F8: variants seen among roughly 807,000 people sequenced by gnomAD.
The protein encoded by F8 is coagulation factor VIII.
In F8, 12 loss-of-function variants were observed where a neutral mutation model predicts 140.6. The ratio of observed to expected loss-of-function variants is 0.09; its 90% CI spans 0.05 to 0.14. The LOEUF is 0.14. Among genes scored for constraint, F8 ranks in the 10% least tolerant of loss-of-function variants. F8 has a pLI of 1.00. For missense variants in F8, 1,354 were observed against 1,720.7 expected (o/e 0.79, Z 3.77); for synonymous variants, 585 against 614.6 (o/e 0.95, Z 0.71).
intron 1 of F8, among the ~76,000 whole-genome samples, chrX:155,019,602 T>C (rs1156312852): frequency 9.0e-6 from 1 of 110,874 alleles, no homozygotes; most frequent in Non-Finnish European, 1.9e-5. Context: ...AAAACCAGCC[T>C]GGGTAACATG....
chrX:154,847,581 A>G (rs782459316), intron 25 of F8, among the ~76,000 whole-genome samples: 1 of 112,505 alleles, frequency 8.9e-6, no homozygotes, highest in South Asian at 3.7e-4. Context: ...CGCATCGGCT[A>G]CTAAAGCTTA....
At chrX:154,960,708 G>A (rs1248822451) in intron 10 of F8, among the ~76,000 whole-genome samples, 3 of 110,392 alleles carry the variant, frequency 2.7e-5, no homozygotes, top group African/African-American at 9.9e-5. Flanking sequence ...GATACCAAAA[G>A]TGTGGAATGT....
chrX:155,006,052 CAAT>C (rs2073675203), intron 1 of F8, among the ~76,000 whole-genome samples: 1 of 112,239 alleles, frequency 8.9e-6, no homozygotes, highest in South Asian at 3.6e-4. Context: ...AAAAAGCAGA[CAAT>C]AATTTTTATT....
chrX:154,958,249 T>C (rs782575184), intron 10 of F8, among the ~76,000 whole-genome samples: 1 of 112,038 alleles, frequency 8.9e-6, no homozygotes, highest in Non-Finnish European at 1.9e-5. Flanking sequence ...TCCAGTGATA[T>C]ATCCAAGACT....
chrX:154,990,574 T>G (rs187803280), intron 4 of F8, among the ~76,000 whole-genome samples: 1 of 112,322 alleles, frequency 8.9e-6, no homozygotes, highest in Non-Finnish European at 1.9e-5. Context: ...ATCAGACATG[T>G]TTTAAGGAAT....
chrX:154,871,375 G>A (rs1270349170), intron 22 of F8, among the ~76,000 whole-genome samples: 1 of 111,873 alleles, frequency 8.9e-6, no homozygotes, highest in Non-Finnish European at 1.9e-5. Flanking sequence ...CAGAATGGAG[G>A]CCTCAGAAAT....
chrX:154,972,671 C>A (rs1176780770), intron 6 of F8, among the ~76,000 whole-genome samples: 2 of 103,785 alleles, frequency 1.9e-5, no homozygotes, highest in African/African-American at 7.0e-5. Flanking sequence ...AATTTAATTC[C>A]TTAATCTATT....
At chrX:154,920,968 T>C (rs1250585746) in intron 14 of F8, among the ~76,000 whole-genome samples, 1 of 112,148 alleles carries the variant, frequency 8.9e-6, no homozygotes. Context: ...TCATATGTTT[T>C]CATATTACTA....
At chrX:154,910,757 G>C (rs2073062729) in intron 14 of F8, among the ~76,000 whole-genome samples, 1 of 110,595 alleles carries the variant, frequency 9.0e-6, no homozygotes, top group Admixed American at 9.5e-5. Flanking sequence ...ACCCGTAAAG[G>C]GTCTGTGCTG....
intron 25 of F8, among the ~76,000 whole-genome samples, chrX:154,841,799 C>G (rs965309271): frequency 5.4e-5 from 6 of 111,304 alleles, no homozygotes; most frequent in Non-Finnish European, 1.1e-4. Context: ...TAGCATAAAT[C>G]CAATTTGGAT....
chrX:154,986,230 C>T (rs946407383), intron 5 of F8, among the ~76,000 whole-genome samples: 2 of 112,476 alleles, frequency 1.8e-5, no homozygotes, highest in Non-Finnish European at 3.8e-5. Context: ...CACAACAAGG[C>T]TGGAAATGTC....
rs184231839 is a variant in F8 at position 154,870,477 on chromosome X, C to A, written c.6430-7250G>T. Among the ~76,000 whole-genome samples the A allele has an allele frequency of 6.7e-4, 75 of 111,554 alleles. No individual in the cohort carries two copies. In the East Asian group the frequency reaches 0.011, roughly 16 times the overall value. ...ATTATCTCAATAGATGCAGAAAAGG[C>A]CTTCGATAAAATTCAACACCCCTTC... On this transcript the variant is annotated intron_variant, in intron 22 of 25. Coordinates refer to ENST00000360256, the MANE Select transcript of F8 (RefSeq NM_000132.4).
intron 23 of F8, among the ~76,000 whole-genome samples, chrX:154,862,848 T>A (rs1017478901): frequency 2.7e-5 from 3 of 112,301 alleles, no homozygotes; most frequent in Admixed American, 9.4e-5. Context: ...AATGAACATA[T>A]GCGTGCATGT....
chrX:154,972,707 CTTTTTTTT>C (rs1184930129), intron 6 of F8, among the ~76,000 whole-genome samples: 232 of 55,268 alleles, frequency 4.2e-3, no homozygotes, highest in South Asian at 7.5e-3. Context: ...TTCTGTCTTT[CTTTTTTTT>C]TTTTTTTTTT....
At chrX:154,870,495 AC>A (rs1372046096) in intron 22 of F8, among the ~76,000 whole-genome samples, 3 of 111,683 alleles carry the variant, frequency 2.7e-5, no homozygotes, top group Non-Finnish European at 5.6e-5. Flanking sequence ...AAAATTCAAC[AC>A]CCCTTCATGC....
rs782692973 is a variant in F8, at chrX:154,931,010, C to T, written c.2780G>A (p.Ser927Asn). The T allele has an allele frequency of 3.4e-6, 4 of 1,191,284 alleles. No individual in the cohort carries two copies. Among genetic ancestry groups the T allele is most frequent in the Non-Finnish European group, 4.5e-6 (4 of 886,544 alleles). Residue 927 changes from serine to asparagine, a missense_variant, in exon 14 of 26, where the codon AGT becomes AAT. Coordinates refer to ENST00000360256, the MANE Select transcript of F8 (RefSeq NM_000132.4). ...TTGACTATCATAATGAACTGGCATA[C>T]TTGGGGGTCCTAAGGAACTTGTATT... ...TDNTSSLGPP[S>N]MPVHYDSQLD...
intron 10 of F8, among the ~76,000 whole-genome samples, chrX:154,960,427 TAGAA>T (rs1557281513): frequency 9.0e-6 from 1 of 111,344 alleles, no homozygotes; most frequent in Non-Finnish European, 1.9e-5. Context: ...AATTAAATAA[TAGAA>T]AGAATATACA....
chrX:155,007,818 C>T (rs1220766148), intron 1 of F8, among the ~76,000 whole-genome samples: 4 of 111,143 alleles, frequency 3.6e-5, no homozygotes, highest in African/African-American at 1.3e-4. Context: ...TTATCTTCCA[C>T]GAAACCAGTC....
chrX:154,865,134 G>A (rs2072722074), intron 22 of F8, among the ~76,000 whole-genome samples: 1 of 111,502 alleles, frequency 9.0e-6, no homozygotes, highest in Non-Finnish European at 1.9e-5. Flanking sequence ...AAGACTATGA[G>A]TGGATATCTC....
Sources: allele counts gnomAD v4.1 joint callset (sites outside exome capture counted in the v4.1 genomes callset), GRCh38; gene constraint gnomAD v4.1.1; transcripts MANE v1.5; gene names NCBI Gene and HGNC (gene_info 2026-07-23, HGNC 2026-07-21).